RP1: variants seen among roughly 807,000 people sequenced by gnomAD.
RP1 encodes the protein oxygen-regulated protein 1.
Under a neutral mutation model 14.8 loss-of-function variants are expected in RP1, and 16 were observed. That is an observed-to-expected ratio of 1.08 (90% CI 0.73 to 1.65). The LOEUF is 1.65. RP1 is among the 40% of genes most tolerant of loss of function. RP1 has a pLI of 0.00. For missense variants in RP1, 2,631 were observed against 2,535.0 expected, an observed-to-expected ratio of 1.04 and a Z score of -0.81; for synonymous variants, 876 against 883.6, an observed-to-expected ratio of 0.99 and a Z score of 0.15.
At chr8:54,754,932 C>T (rs1293610257) in exon 20 of RP1, 1 of 1,518,974 alleles carries the variant, frequency 6.6e-7, no homozygotes, top group East Asian at 2.5e-5. Context: ...AGCTATTTTT[C>T]CATGTGTGTT....
intron 12 of RP1, among the ~76,000 whole-genome samples, chr8:54,697,492 C>CT (rs1229472485): frequency 1.3e-5 from 2 of 152,084 alleles, no homozygotes; most frequent in Admixed American, 1.3e-4. Flanking sequence ...GAGGCAGATG[C>CT]TGCAGTGAGC....
intron 24 of RP1, among the ~76,000 whole-genome samples, chr8:54,813,179 C>A (rs764384254): frequency 6.6e-6 from 1 of 152,216 alleles, no homozygotes; most frequent in Non-Finnish European, 1.5e-5. Context: ...GTAACAGTAG[C>A]CAATCAAATC....
chr8:54,571,359 G>T (rs944535824), intron 1 of RP1, among the ~76,000 whole-genome samples: 1 of 152,110 alleles, frequency 6.6e-6, no homozygotes, highest in Non-Finnish European at 1.5e-5. Flanking sequence ...TCCTTGGCAG[G>T]GACTGTGTCT....
chr8:54,828,882 C>A lies in RP1; in HGVS notation c.3616-8568C>A, dbSNP rs866826123. Among the ~76,000 whole-genome samples, 8 of 83,938 alleles carry A rather than the reference C, an allele frequency of 9.5e-5. 1 individual carries two copies. In the East Asian group the frequency reaches 2.1e-3, roughly 22 times the overall value. The allele number at this position is 83,938 out of a possible 152,430, so 55.1% of individuals were successfully genotyped here. A position where few individuals can be genotyped will look rare whatever the true frequency, so the allele number is the denominator to read the frequency against. On this transcript the variant is annotated intron_variant, in intron 24 of 28. Coordinates refer to the RP1 transcript ENST00000637698. ...TTCTTTCTTCTTTCTTCTTCTTCTT[C>A]TTTTTTTTTTTTTTTTTTTTTTTTT...
At chr8:54,786,561 C>T (rs980703292) in intron 24 of RP1, among the ~76,000 whole-genome samples, 1 of 151,912 alleles carries the variant, frequency 6.6e-6, no homozygotes. Flanking sequence ...ATAAGGTACC[C>T]TTATGTTTCT....
Position 54,629,790 on chromosome 8 carries a change from G to A in RP1, c.5908G>A (p.Glu1970Lys), listed in dbSNP as rs2129318451. The stretch of plus-strand genomic sequence containing the variant: ...GACAGACAAAAATGTGTTCAGGGAA[G>A]AGAACAATAAAGCAAGTATGAGACA... ...LQTDKNVFRE[E>K]NNKASMRQNL... is the part of the protein sequence containing the mutation. Residue 1970 changes from glutamate (E) to lysine (K), a missense_variant, in exon 4 of 4, where the codon GAG (glutamate) becomes AAG (lysine). Glu to Lys is a moderately conservative substitution (Grantham distance 56). Coordinates refer to ENST00000220676, the MANE Select transcript of RP1 (RefSeq NM_006269.2). 9.9e-6 allele frequency: 16 copies of A among 1,611,042 alleles called. No homozygotes were observed. The highest frequency in any genetic ancestry group is 1.4e-5 in the Non-Finnish European group (16 of 1,178,596).
chr8:54,635,487 G>A (rs1024277336), downstream of RP1, among the ~76,000 whole-genome samples: 1 of 152,080 alleles, frequency 6.6e-6, no homozygotes, highest in Non-Finnish European at 1.5e-5. Context: ...AGTGAAAGTG[G>A]TTAGTGAGAA....
At chr8:54,583,112 T>G (rs1202804371) in intron 1 of RP1, among the ~76,000 whole-genome samples, 1 of 152,218 alleles carries the variant, frequency 6.6e-6, no homozygotes, top group Non-Finnish European at 1.5e-5. Flanking sequence ...TTTTTGCCCA[T>G]TCAGTATGAT....
chr8:54,700,613 G>T (rs931043893), intron 13 of RP1, among the ~76,000 whole-genome samples: 4 of 152,076 alleles, frequency 2.6e-5, no homozygotes, highest in Admixed American at 2.0e-4. Context: ...CTACTCCATT[G>T]AATTAAGAGT....
rs1440934011 is a variant in RP1, at chr8:54,628,873, T to A, written c.4991T>A (p.Phe1664Tyr). 6.2e-7 allele frequency: 1 copy of A among 1,614,134 alleles called. No homozygotes were observed. Among genetic ancestry groups the A allele is most frequent in the Admixed American group, 1.7e-5 (1 of 60,018 alleles). ...GTTTGTCCTTATAATTCTGTGGAAT[T>A]TCAGTGTTCCAGGAAAGCAAGTCTT... ...SQVCPYNSVE[F>Y]QCSRKASLYD... Residue 1664 changes from phenylalanine to tyrosine, a missense_variant, in exon 4 of 4, where the codon TTT becomes TAT. Coordinates refer to ENST00000220676, the MANE Select transcript of RP1 (RefSeq NM_006269.2).
chr8:54,564,773 T>C (rs766595199), intron 1 of RP1, among the ~76,000 whole-genome samples: 1 of 152,174 alleles, frequency 6.6e-6, no homozygotes, highest in Admixed American at 6.5e-5. Flanking sequence ...TGGTGGGAGA[T>C]GTGAATTTCC....
chr8:54,670,960 C>G (rs562320315), intron 7 of RP1, among the ~76,000 whole-genome samples: 1 of 151,790 alleles, frequency 6.6e-6, no homozygotes, highest in African/African-American at 2.4e-5. Flanking sequence ...CATATGACTT[C>G]ATGTTGCTAT....
At chr8:54,847,808 G>A (rs959802191) in intron 25 of RP1, among the ~76,000 whole-genome samples, 1 of 152,180 alleles carries the variant, frequency 6.6e-6, no homozygotes, top group African/African-American at 2.4e-5. Context: ...CAGTGTGTGT[G>A]GGGTCCACTT....
chr8:54,625,435 T>C lies in RP1; in HGVS notation c.1553T>C (p.Val518Ala). 6.2e-7 allele frequency: 1 copy of C among 1,613,984 alleles called. No individual in the cohort carries two copies. The highest frequency in any genetic ancestry group is 8.5e-7 in the Non-Finnish European group (1 of 1,180,020). The change falls in exon 4 of 4, where the codon GTT becomes GCT. Residue 518 changes from valine (V) to alanine (A), a missense_variant. Physicochemically the swap from Val to Ala is moderately conservative, Grantham distance 64 (BLOSUM62 0). Transcript: ENST00000220676. ...TCAGTATCTAACAAACCAGTACTTG[T>C]TCAGATCAATAACAATGATCAAATG... ...MSSVSNKPVL[V>A]QINNNDQMEE... is the part of the protein sequence containing the mutation.
At chr8:54,811,763 C>T (rs916505492) in intron 24 of RP1, among the ~76,000 whole-genome samples, 1 of 152,298 alleles carries the variant, frequency 6.6e-6, no homozygotes. Context: ...CAGGTTTTAA[C>T]TGATTCAAGT....
chr8:54,687,078 T>A (rs992805273), intron 12 of RP1, among the ~76,000 whole-genome samples: 2 of 152,154 alleles, frequency 1.3e-5, no homozygotes, highest in Admixed American at 6.6e-5. Context: ...GAAAAGATAA[T>A]TGCATTTTTC....
chr8:54,855,098 A>T (rs1209551265), intron 26 of RP1, among the ~76,000 whole-genome samples: 2 of 152,182 alleles, frequency 1.3e-5, no homozygotes, highest in African/African-American at 4.8e-5. Context: ...GGCAACCACC[A>T]TTCTACTTTA....
At position 54,625,195 on chromosome 8, in the gene RP1, C is replaced by T. The variant is rs1451687014; in HGVS notation, c.1313C>T (p.Thr438Ile). ...GTGGACACAGATATCATCCAGGGAA[C>T]TCAAGACCAAGCAAAGCATCGTTTT... is the stretch of plus-strand genomic sequence containing the variant. ...ATVDTDIIQG[T>I]QDQAKHRFYR... The change falls in exon 4 of 4, where the codon ACT (threonine) becomes ATT (isoleucine). Residue 438 changes from threonine (T) to isoleucine (I), a missense_variant. Coordinates refer to ENST00000220676, the MANE Select transcript of RP1 (RefSeq NM_006269.2). 4.3e-6 allele frequency: 7 copies of T among 1,614,140 alleles called. No individual in the cohort carries two copies. The highest frequency in any genetic ancestry group is 5.1e-6 in the Non-Finnish European group (6 of 1,180,030).
chr8:54,625,920 G>A lies in RP1; in HGVS notation c.2038G>A (p.Ala680Thr). The A allele has an allele frequency of 6.2e-7, 1 of 1,613,834 alleles. No individual in the cohort carries two copies. The highest frequency in any genetic ancestry group is 8.5e-7 in the Non-Finnish European group (1 of 1,179,898). ...AAAGAAGAAAAAATCTCGACAGCAA[G>A]CAATAAATTCCAGGTATCAAGATGG... ...SKKKKKSRQQ[A>T]INSRYQDGQL... Residue 680 changes from alanine (A) to threonine (T), a missense_variant, in exon 4 of 4, where the codon GCA becomes ACA. Ala to Thr is a moderately conservative substitution (Grantham distance 58). Transcript: ENST00000220676.
Sources: gnomAD v4.1 joint callset for allele counts (sites outside exome capture counted in the v4.1 genomes callset) on GRCh38, gnomAD v4.1.1 for gene constraint, MANE v1.5 for transcripts, NCBI Gene and HGNC (gene_info 2026-07-23, HGNC 2026-07-21) for gene names.